Variants in MLF2 observed in about 807,000 individuals in gnomAD.
The protein encoded by MLF2 is myeloid leukemia factor 2.
MLF2 carries 12 observed loss-of-function variants against 31.4 expected under a neutral mutation model. The observed-to-expected ratio is 0.38, with a 90% CI of 0.24 to 0.62. The LOEUF is 0.62. MLF2 is among the 20% of genes least tolerant of loss of function. The probability of loss-of-function intolerance (pLI) is 0.58; values close to 1 mark genes in which losing one functional copy is unlikely to be tolerated. For synonymous variants in MLF2, 109 were observed against 118.8 expected (o/e 0.92, Z 0.54); for missense variants, 272 against 359.7 (o/e 0.76, Z 1.97).
intron 4 of MLF2, chr12:6,751,306 C>T (rs547178116): frequency 9.2e-5 from 29 of 314,744 alleles, no homozygotes; most frequent in Non-Finnish European, 1.5e-4. Context: ...CAATCTCCAC[C>T]TCCCGGATTC....
Position 6,750,054 on chromosome 12 carries a change from C to T in MLF2, c.400-47G>A, listed in dbSNP as rs754147675. 1 of 1,611,958 alleles carries T rather than the reference C, an allele frequency of 6.2e-7. No individual in the cohort carries two copies. The highest frequency in any genetic ancestry group is 1.1e-5 in the South Asian group (1 of 91,008). ...CACACTCAGCCGCCCCTTCCAAAGC[C>T]CTGCCTATACCATCTCAGGATAAAC... On this transcript the variant is annotated intron_variant, in intron 6 of 8. Coordinates refer to ENST00000203630, the MANE Select transcript of MLF2 (RefSeq NM_001382226.1). The surrounding 1 kb of genome is among the most constrained non-coding windows in gnomAD (Gnocchi z 5.3).
Position 6,749,994 on chromosome 12 carries a change from C to T in MLF2, c.413G>A (p.Arg138Gln). 4.3e-6 allele frequency: 7 copies of T among 1,614,168 alleles called. No homozygotes were observed. The highest frequency in any genetic ancestry group is 5.1e-6 in the Non-Finnish European group (6 of 1,180,032). ...RSAPGGIRETRRTVRDSDSGL... is the reference protein window; with the variant it reads ...RSAPGGIRETQRTVRDSDSGL... ...ACTGTCTGAATCCCGAACAGTCCTC[C>T]GTGTCTCCCGGATCTGGGATGAGGC... Residue 138 changes from arginine to glutamine, a missense_variant, in exon 7 of 9, where the codon CGG becomes CAG. Coordinates refer to ENST00000203630, the MANE Select transcript of MLF2 (RefSeq NM_001382226.1). The surrounding 1 kb of genome is among the most constrained non-coding windows in gnomAD (Gnocchi z 5.3).
chr12:6,751,852 C>A lies in MLF2; in HGVS notation c.180+73G>T, dbSNP rs766449002. 2.1e-4 allele frequency: 337 copies of A among 1,597,640 alleles called. No individual in the cohort carries two copies. Among genetic ancestry groups the A allele is most frequent in the Non-Finnish European group, 2.8e-4 (323 of 1,168,266 alleles). On this transcript the variant is annotated intron_variant, in intron 3 of 8. Coordinates refer to ENST00000203630, the MANE Select transcript of MLF2 (RefSeq NM_001382226.1). Reference sequence around the variant, plus strand: ...TTCACTTGCTCAGTTGGCTGTAGTGCAAGAAAATTAAGTGCTTTCCTAACT... The same window carrying A: ...TTCACTTGCTCAGTTGGCTGTAGTGAAAGAAAATTAAGTGCTTTCCTAACT...
At position 6,749,891 on chromosome 12, in the gene MLF2, C is replaced by T. The variant is rs201104363; in HGVS notation, c.516G>A (p.Thr172=). The change falls in exon 7 of 9, where the codon ACG becomes ACA. Residue 172 remains threonine (T), a synonymous_variant. Transcript: ENST00000203630. The surrounding 1 kb of genome is among the most constrained non-coding windows in gnomAD (Gnocchi z 5.3). ...HILQRSRNHR[T]GDQEERQDYI... ...AGTCCTGCCGCTCCTCCTGGTCCCC[C>T]GTGCGATGGTTTCGGGAGCGCTGGA... is the stretch of plus-strand genomic sequence containing the variant. The T allele has an allele frequency of 3.6e-4, 588 of 1,614,218 alleles. 2 individuals are homozygous for T. In the South Asian group the frequency reaches 4.3e-3, roughly 12 times the overall value.
chr12:6,750,360 A>G lies in MLF2; in HGVS notation c.271-55T>C. On this transcript the variant is annotated intron_variant, in intron 5 of 8. Coordinates refer to ENST00000203630, the MANE Select transcript of MLF2 (RefSeq NM_001382226.1). This position sits in a 1 kb window ranked among gnomAD's most constrained non-coding sequence, Gnocchi z 5.3. ...AATGGGGAGGCATCACCCCTGGTGAAGGGATTTCACCCTTCAGCTGCCTGT... is the reference window on the plus strand; with the variant it reads ...AATGGGGAGGCATCACCCCTGGTGAGGGGATTTCACCCTTCAGCTGCCTGT... 6.3e-7 allele frequency: 1 copy of G among 1,589,816 alleles called. No homozygotes were observed. Among genetic ancestry groups the G allele is most frequent in the Non-Finnish European group, 8.6e-7 (1 of 1,165,878 alleles).
rs1413028090 is a variant in MLF2, at chr12:6,750,432, AG to A, written c.271-128del. 1 of 1,301,588 alleles carries A rather than the reference AG, an allele frequency of 7.7e-7. No individual in the cohort carries two copies. Among genetic ancestry groups the A allele is most frequent in the African/African-American group, 1.5e-5 (1 of 67,450 alleles). The allele number at this position is 1,301,588 out of a possible 1,614,324, so 80.6% of individuals were successfully genotyped here. A position where few individuals can be genotyped will look rare whatever the true frequency, so the allele number is the denominator to read the frequency against. On this transcript the variant is annotated intron_variant, in intron 5 of 8. Coordinates refer to ENST00000203630, the MANE Select transcript of MLF2 (RefSeq NM_001382226.1). The surrounding 1 kb of genome is among the most constrained non-coding windows in gnomAD (Gnocchi z 5.3). Reference sequence around the variant, plus strand: ...AAAATGCAAGAACTGAAAAAACATCAGGCCTCATCATTACCCTCCCAAATTC... The same window carrying A: ...AAAATGCAAGAACTGAAAAAACATCAGCCTCATCATTACCCTCCCAAATTC...
chr12:6,752,611 T>A lies in MLF2; in HGVS notation c.-28-249A>T, dbSNP rs1386306614. ...TTTTTCCCTCCCCCACTCAGAGCCA[T>A]CCTCTTCCCAAAGCTCTGGCCGGTA... On this transcript the variant is annotated intron_variant, in intron 1 of 8. Coordinates refer to ENST00000203630, the MANE Select transcript of MLF2 (RefSeq NM_001382226.1). The surrounding 1 kb of genome is among the most constrained non-coding windows in gnomAD (Gnocchi z 4.6). The A allele has an allele frequency of 4.9e-6, 2 of 410,386 alleles. No homozygotes were observed. The highest frequency in any genetic ancestry group is 1.4e-3 in the Middle Eastern group (2 of 1,476). 25.4% of individuals were successfully genotyped at this position (410,386 alleles called of 1,614,324 possible). A position where few individuals can be genotyped will look rare whatever the true frequency, so the allele number is the denominator to read the frequency against.
In MLF2 at chr12:6,750,100, C is replaced by T. The variant is rs750290304; in HGVS notation, c.399+77G>A. ...TAAACACACCACACACAACCCAATC[C>T]GGAAAAAAGCAGCCAGGGTTTCTGG... On this transcript the variant is annotated intron_variant, in intron 6 of 8. Transcript: ENST00000203630. This position sits in a 1 kb window ranked among gnomAD's most constrained non-coding sequence, Gnocchi z 5.3. 14 of 1,611,660 alleles carry T rather than the reference C, an allele frequency of 8.7e-6. No individual in the cohort carries two copies. Among genetic ancestry groups the T allele is most frequent in the South Asian group, 6.6e-5 (6 of 90,868 alleles).
At position 6,752,050 on chromosome 12, in the gene MLF2, G is replaced by T; in HGVS notation, c.55C>A (p.Pro19Thr). The part of the protein sequence containing the change: ...EPEDPMFLMD[P>T]FAIHRQHMSR... ...ATATGCTGACGGTGAATAGCAAAGG[G>T]ATCCCTGTGGAGTGAGCACATAGTA... Residue 19 changes from proline (P) to threonine (T), a missense_variant, in exon 3 of 9, where the codon CCC (proline) becomes ACC (threonine). Transcript: ENST00000203630. This position sits in a 1 kb window ranked among gnomAD's most constrained non-coding sequence, Gnocchi z 4.6. The T allele has an allele frequency of 6.2e-7, 1 of 1,614,070 alleles. No individual in the cohort carries two copies. Among genetic ancestry groups the T allele is most frequent in the Non-Finnish European group, 8.5e-7 (1 of 1,179,944 alleles).
At position 6,748,900 on chromosome 12, in the gene MLF2, A is replaced by C. The variant is rs1941566031; in HGVS notation, c.642T>G (p.Leu214=). ...TTCGTCCCCCAGCCCCTGAGGACTC[A>C]AGCCGCCGAAACTCCAGGGGACGCT... ...RQQRPLEFRR[L]ESSGAGGRRA... Residue 214 remains leucine (L), a synonymous_variant, in exon 8 of 9, where the codon CTT becomes CTG. Coordinates refer to ENST00000203630, the MANE Select transcript of MLF2 (RefSeq NM_001382226.1). This position sits in a 1 kb window ranked among gnomAD's most constrained non-coding sequence, Gnocchi z 4.6. 1 of 1,601,724 alleles carries C rather than the reference A, an allele frequency of 6.2e-7. No individual in the cohort carries two copies. Among genetic ancestry groups the C allele is most frequent in the Non-Finnish European group, 8.5e-7 (1 of 1,175,032 alleles).
Position 6,752,328 on chromosome 12 carries a change from G to A in MLF2, c.7C>T (p.Arg3Cys), listed in dbSNP as rs1288157875. Reference protein sequence around the residue: MFRFMRDVEPEDP... With the variant: MFCFMRDVEPEDP... The stretch of plus-strand genomic sequence containing the variant: ...TCAGGCTCCACGTCCCTCATGAAGC[G>A]GAACATCCTGATCTCAGCTCCAGGG... The change falls in exon 2 of 9, where the codon CGC becomes TGC. Residue 3 changes from arginine to cysteine, a missense_variant. Transcript: ENST00000203630. This position sits in a 1 kb window ranked among gnomAD's most constrained non-coding sequence, Gnocchi z 4.6. 1.3e-6 allele frequency: 2 copies of A among 1,560,488 alleles called. No individual in the cohort carries two copies. Among genetic ancestry groups the A allele is most frequent in the South Asian group, 2.4e-5 (2 of 84,714 alleles).
At position 6,753,060 on chromosome 12, in the gene MLF2, G is replaced by A. The variant is rs1348873455; in HGVS notation, c.-150C>T. 2 of 380,834 alleles carry A rather than the reference G, an allele frequency of 5.3e-6. No individual in the cohort carries two copies. Among genetic ancestry groups the A allele is most frequent in the African/African-American group, 2.1e-5 (1 of 48,126 alleles). The allele number at this position is 380,834 out of a possible 1,614,324, so 23.6% of individuals were successfully genotyped here. On this transcript the variant is annotated 5_prime_UTR_variant, in exon 1 of 9. Transcript: ENST00000203630. ...GGGCTTGAGCTCCTCGGCCTTCCAC[G>A]CCGCCTCCTCCCACAGCTGCCACCT...
intron 4 of MLF2, chr12:6,751,072 G>T: frequency 2.7e-6 from 1 of 371,828 alleles, no homozygotes; most frequent in East Asian, 6.1e-5. Flanking sequence ...AAAGAGGTAA[G>T]GCATGAAATT....
chr12:6,750,045 T>C lies in MLF2; in HGVS notation c.400-38A>G. ...AGAACGTGGCACACTCAGCCGCCCC[T>C]TCCAAAGCCCTGCCTATACCATCTC... is the stretch of plus-strand genomic sequence containing the variant. On this transcript the variant is annotated intron_variant, in intron 6 of 8. Coordinates refer to ENST00000203630, the MANE Select transcript of MLF2 (RefSeq NM_001382226.1). This position sits in a 1 kb window ranked among gnomAD's most constrained non-coding sequence, Gnocchi z 5.3. 6.2e-7 allele frequency: 1 copy of C among 1,613,136 alleles called. No individual in the cohort carries two copies. Among genetic ancestry groups the C allele is most frequent in the South Asian group, 1.1e-5 (1 of 91,050 alleles).
chr12:6,751,335 A>G (rs1267442247), intron 4 of MLF2, among the ~76,000 whole-genome samples: 1 of 151,834 alleles, frequency 6.6e-6, no homozygotes, highest in Non-Finnish European at 1.5e-5. Context: ...CTGGGACTAC[A>G]GGTGTGTGCC....
rs1168453174 is a variant in MLF2, at chr12:6,750,838, C to G, written c.217-72G>C. On this transcript the variant is annotated intron_variant, in intron 4 of 8. Coordinates refer to ENST00000203630, the MANE Select transcript of MLF2 (RefSeq NM_001382226.1). The surrounding 1 kb of genome is among the most constrained non-coding windows in gnomAD (Gnocchi z 5.3). ...TTCAGAGTTGATCCTGTTTAGGAAC[C>G]CACAACCCACATGGCTGCACATTTC... is the stretch of plus-strand genomic sequence containing the variant. 7.7e-7 allele frequency: 1 copy of G among 1,302,746 alleles called. No individual in the cohort carries two copies. The highest frequency in any genetic ancestry group is 1.1e-6 in the Non-Finnish European group (1 of 901,252). The allele number at this position is 1,302,746 out of a possible 1,614,324, so 80.7% of individuals were successfully genotyped here. A position where few individuals can be genotyped will look rare whatever the true frequency, so the allele number is the denominator to read the frequency against.
In MLF2 at chr12:6,749,592, G is replaced by A. The variant is rs552847379; in HGVS notation, c.559+256C>T. Among the ~76,000 whole-genome samples the A allele has an allele frequency of 7.9e-5, 12 of 152,346 alleles. No homozygotes were observed. The highest frequency in any genetic ancestry group is 6.5e-4 in the Admixed American group (10 of 15,296). ...TAGCTGGGCGTGGTGGCACATGCCTGTAGTTCCAGCTACACGGGAGGCTGA... is the reference window on the plus strand; with the variant it reads ...TAGCTGGGCGTGGTGGCACATGCCTATAGTTCCAGCTACACGGGAGGCTGA... On this transcript the variant is annotated intron_variant, in intron 7 of 8. Transcript: ENST00000203630. This position sits in a 1 kb window ranked among gnomAD's most constrained non-coding sequence, Gnocchi z 5.3.
Position 6,752,067 on chromosome 12 carries a change from C to T in MLF2, c.51-13G>A, listed in dbSNP as rs1253226222. The T allele has an allele frequency of 2.5e-6, 4 of 1,613,986 alleles. No individual in the cohort carries two copies. Among genetic ancestry groups the T allele is most frequent in the East Asian group, 2.2e-5 (1 of 44,890 alleles). On this transcript the variant is annotated splice_polypyrimidine_tract_variant and intron_variant, in intron 2 of 8. Coordinates refer to ENST00000203630, the MANE Select transcript of MLF2 (RefSeq NM_001382226.1). The surrounding 1 kb of genome is among the most constrained non-coding windows in gnomAD (Gnocchi z 4.6). ...AGCAAAGGGATCCCTGTGGAGTGAG[C>T]ACATAGTATGGATGGCAGAAGCGCC...
chr12:6,753,108 G>T lies in MLF2; in HGVS notation c.-198C>A, dbSNP rs1592486189. The T allele has an allele frequency of 1.3e-5, 5 of 392,862 alleles. No individual in the cohort carries two copies. Among genetic ancestry groups the T allele is most frequent in the Admixed American group, 4.4e-5 (1 of 22,522 alleles). The allele number at this position is 392,862 out of a possible 1,614,324, so 24.3% of individuals were successfully genotyped here. A position where few individuals can be genotyped will look rare whatever the true frequency, so the allele number is the denominator to read the frequency against. On this transcript the variant is annotated 5_prime_UTR_variant, in exon 1 of 9. Transcript: ENST00000203630. ...CCTCCGTACGGCCCCCTCGGCCAAC[G>T]GAGCCCGAACCTCGGCCAGGCCCGG...
Sources: allele counts gnomAD v4.1 joint callset (sites outside exome capture counted in the v4.1 genomes callset), GRCh38; gene constraint gnomAD v4.1.1; non-coding constraint Gnocchi (gnomAD v3.1); transcripts MANE v1.5; gene names NCBI Gene and HGNC (gene_info 2026-07-23, HGNC 2026-07-21).